Variants in FBXO33 observed in about 807,000 individuals in gnomAD.
FBXO33 encodes F-box only protein 33.
FBXO33 carries 22 observed loss-of-function variants against 46.3 expected under a neutral mutation model. That is an observed-to-expected ratio of 0.48 (90% CI 0.34 to 0.68). FBXO33 has a LOEUF of 0.68. FBXO33 is among the 30% of genes least tolerant of loss of function. FBXO33 has a pLI of 0.01. For synonymous variants in FBXO33, 337 were observed against 291.3 expected (o/e 1.16, Z -1.60); for missense variants, 692 against 708.8 (o/e 0.98, Z 0.27).
chr14:39,400,195 T>C (rs1399289899), intron 3 of FBXO33, among the ~76,000 whole-genome samples: 1 of 152,212 alleles, frequency 6.6e-6, no homozygotes, highest in East Asian at 1.9e-4. Context: ...TTTTCATTTG[T>C]GAAAAATCAT....
chr14:39,418,938 G>C (rs2075464891), intron 1 of FBXO33, among the ~76,000 whole-genome samples: 1 of 152,164 alleles, frequency 6.6e-6, no homozygotes, highest in African/African-American at 2.4e-5. Flanking sequence ...AATTCTAATT[G>C]CAGCAACAAA....
chr14:39,411,767 C>T (rs576696255), intron 1 of FBXO33, among the ~76,000 whole-genome samples: 11 of 151,994 alleles, frequency 7.2e-5, no homozygotes, highest in African/African-American at 2.4e-4. Context: ...GTGATCCGCC[C>T]GCCTTGGCCT....
At chr14:39,428,268 C>T (rs1437655808) in intron 1 of FBXO33, among the ~76,000 whole-genome samples, 2 of 151,916 alleles carry the variant, frequency 1.3e-5, no homozygotes, top group Non-Finnish European at 2.9e-5. Flanking sequence ...TGCAGTAGCA[C>T]GATCTCTATT....
rs1182585994 is a variant in FBXO33 at position 39,398,454 on chromosome 14, GTTTT to G, written c.*1058_*1061del. ...ACTATTCACAGTGAAACAGGTGCAT[GTTTT>G]TTTTTTCTTTTTTTTTTTTTTTTGT... On this transcript the variant is annotated 3_prime_UTR_variant, in exon 4 of 4. Coordinates refer to ENST00000298097, the MANE Select transcript of FBXO33 (RefSeq NM_203301.4). The G allele has an allele frequency of 4.0e-5, 5 of 125,332 alleles. No individual in the cohort carries two copies. Among genetic ancestry groups the G allele is most frequent in the South Asian group, 5.2e-4 (2 of 3,838 alleles). The allele number at this position is 125,332 out of a possible 1,614,324, so 7.8% of individuals were successfully genotyped here.
intron 1 of FBXO33, among the ~76,000 whole-genome samples, chr14:39,424,973 A>C (rs1274545082): frequency 6.6e-6 from 1 of 152,102 alleles, no homozygotes. Context: ...AATCGCTTCC[A>C]CCTGGGAGTC....
intron 1 of FBXO33, among the ~76,000 whole-genome samples, chr14:39,419,979 G>T (rs183881958): frequency 2.6e-5 from 4 of 152,304 alleles, no homozygotes; most frequent in Admixed American, 1.3e-4. Context: ...ATCATCAAAA[G>T]AGAATGAATT....
At chr14:39,427,846 G>A (rs1306648456) in intron 1 of FBXO33, among the ~76,000 whole-genome samples, 1 of 152,114 alleles carries the variant, frequency 6.6e-6, no homozygotes, top group Non-Finnish European at 1.5e-5. Context: ...TACTAGGGAG[G>A]CTGGGGTGGG....
At chr14:39,431,500 G>A (rs1455290859) in intron 1 of FBXO33, 64 bp downstream of exon 1, 1 of 1,598,056 alleles carries the variant, frequency 6.3e-7, no homozygotes, top group Non-Finnish European at 8.5e-7. Flanking sequence ...CAGAATCTGT[G>A]TCGGGGTGCG....
chr14:39,429,857 C>G (rs558577769), intron 1 of FBXO33, among the ~76,000 whole-genome samples: 3 of 152,248 alleles, frequency 2.0e-5, no homozygotes, highest in African/African-American at 7.2e-5. Flanking sequence ...AAGAGAAGGA[C>G]AGGAGAATTA....
intron 1 of FBXO33, among the ~76,000 whole-genome samples, chr14:39,425,198 A>G (rs984878558): frequency 6.6e-6 from 1 of 152,212 alleles, no homozygotes; most frequent in African/African-American, 2.4e-5. Context: ...GTTTAGCACA[A>G]TTGTGACCCA....
At position 39,397,865 on chromosome 14, in the gene FBXO33, G is replaced by GAGTT. The variant is rs1595980233; in HGVS notation, c.*1647_*1650dup. 1 of 152,506 alleles carries GAGTT rather than the reference G, an allele frequency of 6.6e-6. No individual in the cohort carries two copies. Among genetic ancestry groups the GAGTT allele is most frequent in the Non-Finnish European group, 1.5e-5 (1 of 68,030 alleles). The allele number at this position is 152,506 out of a possible 1,614,324, so 9.4% of individuals were successfully genotyped here. ...CTGGTTTCCTTACAGTTTCTGTCAG[G>GAGTT]AGTTATTTTATCTGATCACATTTAT... On this transcript the variant is annotated 3_prime_UTR_variant, in exon 4 of 4. Coordinates refer to ENST00000298097, the MANE Select transcript of FBXO33 (RefSeq NM_203301.4).
chr14:39,403,127 T>C (rs1189407403), intron 1 of FBXO33, among the ~76,000 whole-genome samples: 1 of 152,148 alleles, frequency 6.6e-6, no homozygotes, highest in Non-Finnish European at 1.5e-5. Flanking sequence ...AGATGATAAT[T>C]ACAATATAAA....
chr14:39,419,147 T>C (rs1287441615), intron 1 of FBXO33, among the ~76,000 whole-genome samples: 1 of 152,248 alleles, frequency 6.6e-6, no homozygotes, highest in Non-Finnish European at 1.5e-5. Context: ...ATCGAGGTTT[T>C]AACTTCCACT....
chr14:39,416,861 A>T (rs2075450929), intron 1 of FBXO33, among the ~76,000 whole-genome samples: 1 of 151,896 alleles, frequency 6.6e-6, no homozygotes. Context: ...CTAAAGAATT[A>T]TTTTCTTCCT....
intron 1 of FBXO33, among the ~76,000 whole-genome samples, chr14:39,429,317 G>A (rs576165961): frequency 6.6e-6 from 1 of 152,240 alleles, no homozygotes; most frequent in Non-Finnish European, 1.5e-5. Context: ...TCTACTTATA[G>A]AATGGCAGAA....
chr14:39,426,181 C>T (rs2075512742), intron 1 of FBXO33, among the ~76,000 whole-genome samples: 1 of 151,244 alleles, frequency 6.6e-6, no homozygotes, highest in South Asian at 2.1e-4. Context: ...TTTTAACATG[C>T]TATTAAAAGA....
intron 1 of FBXO33, among the ~76,000 whole-genome samples, chr14:39,421,088 G>C (rs778363574): frequency 5.3e-5 from 8 of 152,184 alleles, no homozygotes; most frequent in Non-Finnish European, 2.9e-5. Flanking sequence ...TCTATGTGTA[G>C]ATTCTAATAG....
Position 39,398,452 on chromosome 14 carries a change from ATGTT to A in FBXO33, c.*1060_*1063del, listed in dbSNP as rs2075353250. 1 of 143,622 alleles carries A rather than the reference ATGTT, an allele frequency of 7.0e-6. No homozygotes were observed. The highest frequency in any genetic ancestry group is 1.5e-5 in the Non-Finnish European group (1 of 65,952). The allele number at this position is 143,622 out of a possible 1,614,324, so 8.9% of individuals were successfully genotyped here. On this transcript the variant is annotated 3_prime_UTR_variant, in exon 4 of 4. Transcript: ENST00000298097. ...TCACTATTCACAGTGAAACAGGTGC[ATGTT>A]TTTTTTTTCTTTTTTTTTTTTTTTT...
At position 39,432,044 on chromosome 14, in the gene FBXO33, C is replaced by A; in HGVS notation, c.119G>T (p.Gly40Val). 5 of 1,294,748 alleles carry A rather than the reference C, an allele frequency of 3.9e-6. No homozygotes were observed. Among genetic ancestry groups the A allele is most frequent in the Non-Finnish European group, 4.9e-6 (5 of 1,025,418 alleles). 80.2% of individuals were successfully genotyped at this position (1,294,748 alleles called of 1,614,324 possible). A position where few individuals can be genotyped will look rare whatever the true frequency, so the allele number is the denominator to read the frequency against. The change falls in exon 1 of 4, where the codon GGG becomes GTG. Residue 40 changes from glycine (G) to valine (V), a missense_variant. Physicochemically the swap from Gly to Val is moderately radical, Grantham distance 109. Coordinates refer to ENST00000298097, the MANE Select transcript of FBXO33 (RefSeq NM_203301.4). ...LRLQQLRRLRGLLRVLRGRPG... is the reference protein window; with the variant it reads ...LRLQQLRRLRVLLRVLRGRPG... ...CCGCCCCCGCAGTACCCGGAGCAGCCCCCGCAGCCGTCGCAGCTGCTGCAG... is the reference window on the plus strand; with the variant it reads ...CCGCCCCCGCAGTACCCGGAGCAGCACCCGCAGCCGTCGCAGCTGCTGCAG...
Sources: allele counts gnomAD v4.1 joint callset (sites outside exome capture counted in the v4.1 genomes callset), GRCh38; gene constraint gnomAD v4.1.1; transcripts MANE v1.5; gene names NCBI Gene and HGNC (gene_info 2026-07-23, HGNC 2026-07-21).